Variants in VAV3 observed in about 807,000 individuals in gnomAD.
The protein encoded by VAV3 is vav guanine nucleotide exchange factor 3.
In VAV3, 94 loss-of-function variants were observed where a neutral mutation model predicts 131.2. That is an observed-to-expected ratio of 0.72 (90% CI 0.61 to 0.85). The LOEUF is 0.85. VAV3 is among the 40% of genes least tolerant of loss of function. The pLI, the probability that VAV3 is intolerant of heterozygous loss-of-function variation, is 0.00. For synonymous variants in VAV3, 349 were observed against 342.0 expected (o/e 1.02, Z -0.22); for missense variants, 939 against 1,002.7 (o/e 0.94, Z 0.86).
At chr1:107,942,294 G>A (rs1249929129) in intron 1 of VAV3, among the ~76,000 whole-genome samples, 1 of 152,132 alleles carries the variant, frequency 6.6e-6, no homozygotes, top group African/African-American at 2.4e-5. Context: ...AAACCCTGGT[G>A]AGATCCCACA....
chr1:107,866,272 G>A (rs567530327), intron 2 of VAV3, among the ~76,000 whole-genome samples: 4 of 152,144 alleles, frequency 2.6e-5, no homozygotes, highest in East Asian at 3.9e-4. Context: ...CCCCTCAGTC[G>A]AATTCTTTCT....
chr1:107,721,442 G>T (rs1402664061), intron 15 of VAV3, among the ~76,000 whole-genome samples: 3 of 152,136 alleles, frequency 2.0e-5, no homozygotes, highest in African/African-American at 7.2e-5. Context: ...TGGATGAAAA[G>T]CACTGAGAAA....
chr1:107,573,532 A>G (rs1649396426), intron 26 of VAV3, among the ~76,000 whole-genome samples, 160 bp from the exon 27 acceptor site: 1 of 152,220 alleles, frequency 6.6e-6, no homozygotes, highest in African/African-American at 2.4e-5. Flanking sequence ...TAGAAGCCTA[A>G]TAGAGTAAAT....
intron 1 of VAV3, among the ~76,000 whole-genome samples, chr1:107,896,329 C>G (rs1671572245): frequency 6.6e-6 from 1 of 152,156 alleles, no homozygotes; most frequent in South Asian, 2.1e-4. Context: ...CATCCCCACC[C>G]CACCCAAGAG....
intron 2 of VAV3, among the ~76,000 whole-genome samples, chr1:107,816,306 T>C (rs1667557305): frequency 6.6e-6 from 1 of 152,262 alleles, no homozygotes; most frequent in Non-Finnish European, 1.5e-5. Context: ...GCCTATTTTC[T>C]CATATAAAGT....
At chr1:107,753,549 T>TATATACACACACACAC (rs771773884) in intron 12 of VAV3, among the ~76,000 whole-genome samples, 19 of 82,046 alleles carry the variant, frequency 2.3e-4, no homozygotes, top group African/African-American at 8.3e-4. Flanking sequence ...TATATATATA[T>TATATACACACACACAC]ACACACACAC....
At chr1:107,676,064 A>T (rs918225826) in intron 19 of VAV3, among the ~76,000 whole-genome samples, 1 of 152,228 alleles carries the variant, frequency 6.6e-6, no homozygotes, top group African/African-American at 2.4e-5. Context: ...ATGCCCAAGG[A>T]TGAAAACTGT....
At chr1:107,834,915 C>A (rs1017571252) in intron 2 of VAV3, among the ~76,000 whole-genome samples, 1 of 152,088 alleles carries the variant, frequency 6.6e-6, no homozygotes, top group Non-Finnish European at 1.5e-5. Flanking sequence ...GATCCCATGA[C>A]CCCCACAGGC....
At chr1:107,926,463 C>T (rs1673164685) in intron 1 of VAV3, among the ~76,000 whole-genome samples, 1 of 152,144 alleles carries the variant, frequency 6.6e-6, no homozygotes, top group Non-Finnish European at 1.5e-5. Flanking sequence ...CAAAAAATCA[C>T]CTTCATAAGA....
intron 1 of VAV3, among the ~76,000 whole-genome samples, chr1:107,881,800 G>A (rs548061420): frequency 6.6e-6 from 1 of 152,150 alleles, no homozygotes; most frequent in South Asian, 2.1e-4. Context: ...TACCACAACA[G>A]ACAAGGCATG....
At position 107,965,039 on chromosome 1, in the gene VAV3, T is replaced by G; in HGVS notation, c.-170A>C. ...GGCTGACGGGTCGCGGGCGCCGCGCTAGGCTCGGCTCCGGTCCCGGCCCGG... is the reference window on the plus strand; with the variant it reads ...GGCTGACGGGTCGCGGGCGCCGCGCGAGGCTCGGCTCCGGTCCCGGCCCGG... On this transcript the variant is annotated 5_prime_UTR_variant, in exon 1 of 27. Transcript: ENST00000370056. 2 of 336,598 alleles carry G rather than the reference T, an allele frequency of 5.9e-6. No homozygotes were observed. The highest frequency in any genetic ancestry group is 8.6e-6 in the Non-Finnish European group (2 of 231,866). 20.9% of individuals were successfully genotyped at this position (336,598 alleles called of 1,614,324 possible). A position where few individuals can be genotyped will look rare whatever the true frequency, so the allele number is the denominator to read the frequency against.
rs1432921843 is a variant in VAV3 at position 107,571,527 on chromosome 1, G to A, written c.*1804C>T. 6.6e-6 allele frequency: 1 copy of A among 152,502 alleles called. No individual in the cohort carries two copies. The highest frequency in any genetic ancestry group is 2.4e-5 in the African/African-American group (1 of 41,424). 9.4% of individuals were successfully genotyped at this position (152,502 alleles called of 1,614,324 possible). A position where few individuals can be genotyped will look rare whatever the true frequency, so the allele number is the denominator to read the frequency against. ...CAATACCATCCACAGGAGTGTTTCTGCTTGTGTGAGGCTGCTCCCTCCATA... is the reference window on the plus strand; with the variant it reads ...CAATACCATCCACAGGAGTGTTTCTACTTGTGTGAGGCTGCTCCCTCCATA... On this transcript the variant is annotated 3_prime_UTR_variant, in exon 27 of 27. Transcript: ENST00000370056.
Position 107,617,227 on chromosome 1 carries a change from T to A in VAV3, c.1980+340A>T, listed in dbSNP as rs981211160. ...GTGTAATATCGCCCTGTAACCCAAG[T>A]GACTGGAGGCAGACCGTACCATTCT... On this transcript the variant is annotated intron_variant, in intron 21 of 26. Coordinates refer to ENST00000370056, the MANE Select transcript of VAV3 (RefSeq NM_006113.5). Among the ~76,000 whole-genome samples, 4 of 152,156 alleles carry A rather than the reference T, an allele frequency of 2.6e-5. No individual in the cohort carries two copies. The South Asian group carries it at 6.2e-4, about 24-fold the overall frequency.
intron 17 of VAV3, among the ~76,000 whole-genome samples, chr1:107,698,648 T>A (rs763367267): frequency 7.9e-5 from 12 of 152,206 alleles, no homozygotes; most frequent in Non-Finnish European, 1.6e-4. Context: ...AGTGTTATTA[T>A]TGGCCCTGTT....
At chr1:107,616,429 C>T (rs1415162251) in intron 21 of VAV3, among the ~76,000 whole-genome samples, 2 of 152,070 alleles carry the variant, frequency 1.3e-5, no homozygotes, top group Admixed American at 6.6e-5. Context: ...TTCCAGGGGC[C>T]TCCTTGAGGG....
chr1:107,877,003 A>C (rs928566477), intron 1 of VAV3, among the ~76,000 whole-genome samples: 1 of 152,014 alleles, frequency 6.6e-6, no homozygotes, highest in African/African-American at 2.4e-5. Context: ...AATACATTTG[A>C]AACATTTGGA....
In VAV3 at chr1:107,645,335, TG is replaced by T. The variant is rs1230530321; in HGVS notation, c.1778-2581del. The stretch of plus-strand genomic sequence containing the variant: ...TAATGGAATGTATTTTTTTTTTTTT[TG>T]GTCATTTGTTAGGGTTATCTTTGGC... On this transcript the variant is annotated intron_variant, in intron 19 of 26. Transcript: ENST00000370056. 9.5e-4 allele frequency among the ~76,000 whole-genome samples: 122 copies of T among 127,974 alleles called. No homozygotes were observed. The Middle Eastern group carries it at 0.012, about 12-fold the overall frequency. 84.0% of individuals were successfully genotyped at this position (127,974 alleles called of 152,430 possible).
intron 1 of VAV3, among the ~76,000 whole-genome samples, chr1:107,909,539 G>A (rs1672267957): frequency 6.6e-6 from 1 of 151,960 alleles, no homozygotes; most frequent in Admixed American, 6.6e-5. Flanking sequence ...TAATCCAATT[G>A]GTACAGATTA....
chr1:107,823,130 GAGA>G (rs763943918), intron 2 of VAV3, among the ~76,000 whole-genome samples: 8 of 152,130 alleles, frequency 5.3e-5, no homozygotes, highest in Non-Finnish European at 7.4e-5. Flanking sequence ...AAGTCCAAAG[GAGA>G]AGGAGGAAGA....
Sources: gnomAD v4.1 joint callset for allele counts (sites outside exome capture counted in the v4.1 genomes callset) on GRCh38, gnomAD v4.1.1 for gene constraint, MANE v1.5 for transcripts, NCBI Gene and HGNC (gene_info 2026-07-23, HGNC 2026-07-21) for gene names.